Variants in TMEM132C observed in about 807,000 individuals in gnomAD.
TMEM132C encodes the protein transmembrane protein 132C, also known as protein phosphatase 1, regulatory subunit 152.
In TMEM132C, 29 loss-of-function variants were observed where a neutral mutation model predicts 61.4. That is an observed-to-expected ratio of 0.47 (90% CI 0.35 to 0.64). The LOEUF (loss-of-function observed/expected upper bound fraction) is 0.64. Ranked by LOEUF, TMEM132C falls within the 30% of genes least tolerant of loss-of-function variation. The pLI is 0.00. For synonymous variants in TMEM132C, 656 were observed against 633.1 expected, an observed-to-expected ratio of 1.04 and a Z score of -0.54; for missense variants, 1,408 against 1,476.9, an observed-to-expected ratio of 0.95 and a Z score of 0.76.
At chr12:128,317,471 A>G (rs959363751) in intron 1 of TMEM132C, among the ~76,000 whole-genome samples, 5 of 152,246 alleles carry the variant, frequency 3.3e-5, no homozygotes, top group Non-Finnish European at 7.3e-5. Flanking sequence ...ACCCGCCCAC[A>G]AACAAGATGA....
At chr12:128,572,790 C>T (rs569983649) in intron 3 of TMEM132C, among the ~76,000 whole-genome samples, 1 of 152,132 alleles carries the variant, frequency 6.6e-6, no homozygotes, top group African/African-American at 2.4e-5. Context: ...TCCGATTGGC[C>T]AGGCCTGGGT....
At chr12:128,665,866 C>T in intron 4 of TMEM132C, among the ~76,000 whole-genome samples, 2 of 148,058 alleles carry the variant, frequency 1.4e-5, no homozygotes, top group African/African-American at 2.5e-5. Flanking sequence ...CACATACACA[C>T]AGGCACACGT....
chr12:128,449,734 A>AGTG (rs1294880908), intron 2 of TMEM132C, among the ~76,000 whole-genome samples: 1 of 152,082 alleles, frequency 6.6e-6, no homozygotes, highest in Non-Finnish European at 1.5e-5. Context: ...CAAAAATAGC[A>AGTG]GTGGTTTTTT....
At chr12:128,471,309 A>T (rs1870943772) in intron 2 of TMEM132C, among the ~76,000 whole-genome samples, 1 of 151,978 alleles carries the variant, frequency 6.6e-6, no homozygotes, top group Non-Finnish European at 1.5e-5. Context: ...TTCCTTCCTG[A>T]TGTATTTGTG....
rs79938391 is a variant in TMEM132C at position 128,688,557 on chromosome 12, C to T, written c.1450-5272C>T. On this transcript the variant is annotated intron_variant, in intron 5 of 8. Coordinates refer to ENST00000435159, the MANE Select transcript of TMEM132C (RefSeq NM_001136103.3). ...AAACATCCACTGTGACTCACATGAA[C>T]GTGCTAAAAGTTCCAGCAAAAGAAC... Among the ~76,000 whole-genome samples, 255 of 152,124 alleles carry T rather than the reference C, an allele frequency of 1.7e-3. 4 individuals carry two copies. Among genetic ancestry groups the T allele is most frequent in the African/African-American group, 5.8e-3 (239 of 41,504 alleles).
At chr12:128,643,213 G>T (rs907724809) in intron 4 of TMEM132C, among the ~76,000 whole-genome samples, 2 of 152,144 alleles carry the variant, frequency 1.3e-5, no homozygotes, top group Non-Finnish European at 2.9e-5. Context: ...CCGGATTACC[G>T]CTTGTGCTTC....
chr12:128,304,287 T>C (rs981607285), intron 1 of TMEM132C, among the ~76,000 whole-genome samples: 2 of 151,944 alleles, frequency 1.3e-5, no homozygotes, highest in South Asian at 4.1e-4. Context: ...AGATAGAAAA[T>C]GTGTGTGTGC....
At chr12:128,279,265 A>G (rs987058288) in intron 1 of TMEM132C, among the ~76,000 whole-genome samples, 18 of 152,204 alleles carry the variant, frequency 1.2e-4, no homozygotes, top group African/African-American at 4.3e-4. Flanking sequence ...CTTCAGAGAC[A>G]GAATTGGTGC....
At chr12:128,303,236 A>G (rs1871654178) in intron 1 of TMEM132C, among the ~76,000 whole-genome samples, 1 of 152,154 alleles carries the variant, frequency 6.6e-6, no homozygotes. Context: ...AAAAGAAAGG[A>G]TACTATGACA....
chr12:128,626,195 C>T (rs1043975629), intron 4 of TMEM132C, among the ~76,000 whole-genome samples: 7 of 150,334 alleles, frequency 4.7e-5, no homozygotes, highest in South Asian at 2.1e-4. Context: ...GGTGCGATCT[C>T]GGTTCACTGC....
At chr12:128,680,631 A>G (rs1954627426) in intron 5 of TMEM132C, among the ~76,000 whole-genome samples, 1 of 152,210 alleles carries the variant, frequency 6.6e-6, no homozygotes, top group African/African-American at 2.4e-5. Flanking sequence ...CATCACAGAA[A>G]GTTCTATGGG....
chr12:128,647,368 T>A (rs1008438978), intron 4 of TMEM132C, among the ~76,000 whole-genome samples: 16 of 151,398 alleles, frequency 1.1e-4, no homozygotes, highest in African/African-American at 3.9e-4. Context: ...CTAGATCCCA[T>A]CAGCATTGGA....
chr12:128,643,376 G>A (rs1245723266), intron 4 of TMEM132C, among the ~76,000 whole-genome samples: 3 of 152,160 alleles, frequency 2.0e-5, no homozygotes, highest in Non-Finnish European at 2.9e-5. Context: ...ATTTGATGTG[G>A]ACCTCACGTT....
chr12:128,657,560 G>A (rs1276759953), intron 4 of TMEM132C, among the ~76,000 whole-genome samples: 4 of 152,058 alleles, frequency 2.6e-5, no homozygotes, highest in African/African-American at 4.8e-5. Context: ...GCCAGGGCTC[G>A]ATCTGATTGG....
chr12:128,655,686 C>G (rs1268408100), intron 4 of TMEM132C, among the ~76,000 whole-genome samples: 1 of 152,068 alleles, frequency 6.6e-6, no homozygotes, highest in African/African-American at 2.4e-5. Context: ...CACAGGGGCA[C>G]CCACCACCAG....
chr12:128,554,483 A>G (rs1457688211), intron 3 of TMEM132C, among the ~76,000 whole-genome samples: 1 of 152,256 alleles, frequency 6.6e-6, no homozygotes, highest in Admixed American at 6.5e-5. Flanking sequence ...GGATGTTTAA[A>G]ATCCCTGTGC....
chr12:128,540,404 C>T (rs1565967782), intron 2 of TMEM132C, among the ~76,000 whole-genome samples: 1 of 152,106 alleles, frequency 6.6e-6, no homozygotes, highest in African/African-American at 2.4e-5. Context: ...CAGGCATGCA[C>T]CACCATGCCC....
At chr12:128,659,967 G>C (rs1811613) in intron 4 of TMEM132C, among the ~76,000 whole-genome samples, 113,377 of 152,158 alleles carry the variant, frequency 0.75, 42,607 homozygotes, top group East Asian at 0.85. Flanking sequence ...CAGCTCCACC[G>C]CGCTGCTGGC....
rs769961501 is a variant in TMEM132C, at chr12:128,278,528, G to A, written c.85+11041G>A. On this transcript the variant is annotated intron_variant, in intron 1 of 8. Coordinates refer to ENST00000435159, the MANE Select transcript of TMEM132C (RefSeq NM_001136103.3). This position sits in a 1 kb window ranked among gnomAD's most constrained non-coding sequence, Gnocchi z 4.2. ...CCCCAGCCTGTCTCCCTGCGGCACC[G>A]ATGCCATGGAGGTGACAGCTGGCAG... Among the ~76,000 whole-genome samples the A allele has an allele frequency of 4.6e-5, 7 of 152,092 alleles. No homozygotes were observed. The highest frequency in any genetic ancestry group is 9.7e-5 in the African/African-American group (4 of 41,424).
Sources: gnomAD v4.1 joint callset for allele counts (sites outside exome capture counted in the v4.1 genomes callset) on GRCh38, gnomAD v4.1.1 for gene constraint, Gnocchi (gnomAD v3.1) non-coding constraint, MANE v1.5 for transcripts, NCBI Gene and HGNC (gene_info 2026-07-23, HGNC 2026-07-21) for gene names.